Variants in ATP11A observed in about 807,000 individuals in gnomAD.
The protein encoded by ATP11A is phospholipid-transporting ATPase IH.
A neutral mutation model predicts 154.4 loss-of-function variants in ATP11A; 81 were observed. The observed-to-expected ratio is 0.52, with a 90% confidence interval of 0.44 to 0.63. ATP11A has a LOEUF of 0.63. Ranked by LOEUF, ATP11A falls within the 30% of genes least tolerant of loss-of-function variation. The pLI is 0.00. For synonymous variants in ATP11A, 623 were observed against 585.9 expected, an observed-to-expected ratio of 1.06 and a Z score of -0.91; for missense variants, 1,316 against 1,474.3, an observed-to-expected ratio of 0.89 and a Z score of 1.76.
rs116625480 is a variant in ATP11A at position 112,827,034 on chromosome 13, A to G, written c.1221+143A>G. ...CAGCAGCAGGGTTGTTTTGAACCCT[A>G]TTTATGAAACAGTCAGCCGTGCTGT... On this transcript the variant is annotated intron_variant, in intron 12 of 29. Coordinates refer to ENST00000375645, the MANE Select transcript of ATP11A (RefSeq NM_015205.3). The G allele has an allele frequency of 1.2e-3, 912 of 780,904 alleles. 10 individuals are homozygous for G. In the African/African-American group the frequency reaches 0.015, roughly 13 times the overall value. The allele number at this position is 780,904 out of a possible 1,614,324, so 48.4% of individuals were successfully genotyped here. A position where few individuals can be genotyped will look rare whatever the true frequency, so the allele number is the denominator to read the frequency against.
At chr13:112,731,777 A>T (rs1244411366) in intron 1 of ATP11A, among the ~76,000 whole-genome samples, 1 of 152,086 alleles carries the variant, frequency 6.6e-6, no homozygotes, top group Admixed American at 6.5e-5. Context: ...AACATATCAC[A>T]TCCTATCCTT....
At chr13:112,792,029 A>G (rs1444625092) in intron 2 of ATP11A, among the ~76,000 whole-genome samples, 1 of 152,214 alleles carries the variant, frequency 6.6e-6, no homozygotes, top group African/African-American at 2.4e-5. Context: ...TGAGGACAGA[A>G]GGGGGCTCTC....
intron 1 of ATP11A, among the ~76,000 whole-genome samples, chr13:112,781,766 A>G (rs1282290947): frequency 7.5e-6 from 1 of 133,988 alleles, no homozygotes; most frequent in African/African-American, 2.7e-5. Context: ...CTTTCTTAAT[A>G]AACTTGCTTT....
At chr13:112,804,661 G>T (rs1208762265) in intron 2 of ATP11A, among the ~76,000 whole-genome samples, 3 of 151,432 alleles carry the variant, frequency 2.0e-5, no homozygotes, top group African/African-American at 7.3e-5. Flanking sequence ...TTGAGTTAAT[G>T]ATCACAGGTT....
chr13:112,873,830 G>A lies in ATP11A; in HGVS notation c.3161+154G>A, dbSNP rs2080625943. On this transcript the variant is annotated intron_variant, in intron 27 of 29. Transcript: ENST00000375645. ...TGTGCTGGGTGTCGTGGGGTCCTGG[G>A]ATACAGTCGGGGGCAAGACACCGGG... Among the ~76,000 whole-genome samples, 6 of 105,540 alleles carry A rather than the reference G, an allele frequency of 5.7e-5. No homozygotes were observed. In the South Asian group the frequency reaches 1.8e-3, roughly 31 times the overall value. 69.2% of individuals were successfully genotyped at this position (105,540 alleles called of 152,430 possible).
Position 112,873,592 on chromosome 13 carries a change from A to G in ATP11A, c.3077A>G (p.Tyr1026Cys), listed in dbSNP as rs199858924. The G allele has an allele frequency of 7.3e-5, 117 of 1,610,410 alleles. No individual in the cohort carries two copies. Among genetic ancestry groups the G allele is most frequent in the Admixed American group, 1.2e-4 (7 of 59,488 alleles). The change falls in exon 27 of 30, where the codon TAC becomes TGC. Residue 1026 changes from tyrosine to cysteine, a missense_variant. Tyr to Cys is a radical substitution (Grantham distance 194). Coordinates refer to ENST00000375645, the MANE Select transcript of ATP11A (RefSeq NM_015205.3). The part of the protein sequence containing the change: ...VTLKLALDTH[Y>C]WTWINHFVIW... ...TTTTAGCTTGCATTGGACACACACTACTGGACTTGGATCAACCATTTTGTC... is the reference window on the plus strand; with the variant it reads ...TTTTAGCTTGCATTGGACACACACTGCTGGACTTGGATCAACCATTTTGTC...
intron 1 of ATP11A, among the ~76,000 whole-genome samples, chr13:112,761,163 C>T (rs112675551): frequency 2.3e-3 from 353 of 152,222 alleles, no homozygotes; most frequent in African/African-American, 7.3e-3. Flanking sequence ...GTCCAGGGGT[C>T]GCAGTGCTCG....
chr13:112,692,109 G>T (rs984486661), intron 1 of ATP11A, among the ~76,000 whole-genome samples: 3 of 152,202 alleles, frequency 2.0e-5, no homozygotes, highest in Non-Finnish European at 4.4e-5. Context: ...CAGTGTAAGA[G>T]AAATGCTTTA....
chr13:112,855,856 TAAAATCTATA>T (rs2079906035), intron 19 of ATP11A, 45 bp from the exon 20 acceptor site: 7 of 1,499,150 alleles, frequency 4.7e-6, no homozygotes, highest in Admixed American at 4.2e-5. Flanking sequence ...TACAGTCTTC[TAAAATCTATA>T]GATTTAGTGA....
intron 1 of ATP11A, among the ~76,000 whole-genome samples, chr13:112,778,958 GGAGT>G (rs1333887956): frequency 7.2e-6 from 1 of 138,370 alleles, no homozygotes. Context: ...AGTAGCCGCT[GGAGT>G]GAGTAGCCGC....
intron 29 of ATP11A, chr13:112,880,961 C>A: frequency 1.0e-6 from 1 of 992,406 alleles, no homozygotes; most frequent in South Asian, 4.5e-5. Context: ...CACAGCTTCA[C>A]TTAAAAGGCC....
At chr13:112,797,128 A>G (rs577993860) in intron 2 of ATP11A, among the ~76,000 whole-genome samples, 11 of 151,732 alleles carry the variant, frequency 7.2e-5, no homozygotes, top group African/African-American at 2.4e-4. Flanking sequence ...ATTTTTTTTA[A>G]AAAAATTAGC....
intron 1 of ATP11A, among the ~76,000 whole-genome samples, chr13:112,700,182 G>A (rs769527786): frequency 2.0e-5 from 3 of 151,976 alleles, no homozygotes; most frequent in Non-Finnish European, 4.4e-5. Context: ...GTTGAATTAT[G>A]CATTCGACAA....
At chr13:112,750,271 G>A (rs12875320) in intron 1 of ATP11A, among the ~76,000 whole-genome samples, 4 of 9,482 alleles carry the variant, frequency 4.2e-4, no homozygotes, top group Admixed American at 1.1e-3. Flanking sequence ...GCGGGGTTGA[G>A]TCCCCTTCAG....
intron 1 of ATP11A, among the ~76,000 whole-genome samples, chr13:112,706,997 G>A (rs1887210580): frequency 6.6e-6 from 1 of 152,194 alleles, no homozygotes; most frequent in Admixed American, 6.5e-5. Flanking sequence ...AAATTCGAGC[G>A]ATTTTCTTAT....
intron 1 of ATP11A, chr13:112,717,268 CATA>C (rs1190833523): frequency 2.6e-5 from 4 of 152,182 alleles, no homozygotes; most frequent in African/African-American, 9.7e-5. Context: ...CCCAGGTTAG[CATA>C]ATACTTTTTC....
At chr13:112,764,084 A>T (rs1311054159) in intron 1 of ATP11A, among the ~76,000 whole-genome samples, 1 of 152,238 alleles carries the variant, frequency 6.6e-6, no homozygotes, top group Middle Eastern at 3.2e-3. Flanking sequence ...GAGTGTTACC[A>T]GGAGTTGTTA....
chr13:112,822,269 T>G (rs533874264), intron 8 of ATP11A, among the ~76,000 whole-genome samples: 38 of 152,342 alleles, frequency 2.5e-4, no homozygotes, highest in African/African-American at 8.9e-4. Flanking sequence ...GAGAAGAGAT[T>G]ATTTTTCCAT....
At position 112,859,665 on chromosome 13, in the gene ATP11A, C is replaced by T. The variant is rs2080043124; in HGVS notation, c.2727+213C>T. 6.6e-6 allele frequency among the ~76,000 whole-genome samples: 1 copy of T among 152,186 alleles called. No individual in the cohort carries two copies. The highest frequency in any genetic ancestry group is 6.5e-5 in the Admixed American group (1 of 15,286). Reference sequence around the variant, plus strand: ...GTTGCCGTCCTGGAGGCCCCTTGTTCCATGTCTTCTGAAACTGCCGTGGCC... The same window carrying T: ...GTTGCCGTCCTGGAGGCCCCTTGTTTCATGTCTTCTGAAACTGCCGTGGCC... On this transcript the variant is annotated intron_variant, in intron 23 of 29. Transcript: ENST00000375645. The surrounding 1 kb of genome is among the most constrained non-coding windows in gnomAD (Gnocchi z 4.3).
Sources: gnomAD v4.1 joint callset for allele counts (sites outside exome capture counted in the v4.1 genomes callset) on GRCh38, gnomAD v4.1.1 for gene constraint, Gnocchi (gnomAD v3.1) non-coding constraint, MANE v1.5 for transcripts, NCBI Gene and HGNC (gene_info 2026-07-23, HGNC 2026-07-21) for gene names.